The following DOCK1 variants were observed in gnomAD, a reference collection of about 807,000 sequenced individuals.
DOCK1 encodes dedicator of cytokinesis 1, also known as dedicator of cytokinesis protein 1.
A neutral mutation model predicts 262.7 loss-of-function variants in DOCK1; 138 were observed. The ratio of observed to expected loss-of-function variants is 0.53; its 90% CI spans 0.46 to 0.61. DOCK1 has a LOEUF of 0.61. Among genes scored for constraint, DOCK1 ranks in the 20% least tolerant of loss-of-function variants. The pLI, the probability that DOCK1 is intolerant of heterozygous loss-of-function variation, is 0.00. For missense variants in DOCK1, 1,908 were observed against 2,370.7 expected, an observed-to-expected ratio of 0.80 and a Z score of 4.05; for synonymous variants, 866 against 867.4, an observed-to-expected ratio of 1.00 and a Z score of 0.03.
intron 29 of DOCK1, among the ~76,000 whole-genome samples, chr10:127,300,102 C>T (rs939529413): frequency 6.6e-6 from 1 of 152,112 alleles, no homozygotes; most frequent in African/African-American, 2.4e-5. Context: ...GTGGACTCCA[C>T]CTGCTCAGCA....
intron 27 of DOCK1, among the ~76,000 whole-genome samples, chr10:127,138,492 C>T (rs763263223): frequency 3.3e-5 from 5 of 152,078 alleles, no homozygotes; most frequent in Non-Finnish European, 5.9e-5. Flanking sequence ...CCACCTAAAA[C>T]AATTCTGGAA....
chr10:127,052,111 T>G (rs1398958327), intron 21 of DOCK1, among the ~76,000 whole-genome samples: 1 of 152,254 alleles, frequency 6.6e-6, no homozygotes, highest in Non-Finnish European at 1.5e-5. Context: ...AGTGTTGCTG[T>G]GAAGGCTAAG....
rs2070590257 is a variant in DOCK1 at position 127,446,797 on chromosome 10, G to C, written c.5414-597G>C. 6.6e-6 allele frequency among the ~76,000 whole-genome samples: 1 copy of C among 152,080 alleles called. No homozygotes were observed. Among genetic ancestry groups the C allele is most frequent in the Admixed American group, 6.5e-5 (1 of 15,278 alleles). ...CGTTTGAAAACGGCTATTTTTTCCA[G>C]TTTACTTTAAAAATCAATTGTACTT... is the stretch of plus-strand genomic sequence containing the variant. On this transcript the variant is annotated intron_variant, in intron 50 of 51. Coordinates refer to ENST00000623213, the MANE Select transcript of DOCK1 (RefSeq NM_001290223.2). This position sits in a 1 kb window ranked among gnomAD's most constrained non-coding sequence, Gnocchi z 4.4.
intron 27 of DOCK1, among the ~76,000 whole-genome samples, chr10:127,149,720 G>T (rs1289412058): frequency 6.6e-6 from 1 of 152,202 alleles, no homozygotes; most frequent in African/African-American, 2.4e-5. Context: ...ATTACAATGT[G>T]TGAACACTGG....
At chr10:127,075,462 T>C (rs939171152) in intron 23 of DOCK1, among the ~76,000 whole-genome samples, 2 of 152,032 alleles carry the variant, frequency 1.3e-5, no homozygotes, top group Non-Finnish European at 2.9e-5. Context: ...TGTAGAGATA[T>C]GGTTTCGTCA....
At chr10:127,438,728 C>G (rs1340483174) in intron 48 of DOCK1, among the ~76,000 whole-genome samples, 3 of 152,308 alleles carry the variant, frequency 2.0e-5, no homozygotes, top group South Asian at 2.1e-4. Context: ...GAAATATGCC[C>G]TAAATACCAT....
At chr10:126,910,283 C>G (rs926327033) in intron 1 of DOCK1, among the ~76,000 whole-genome samples, 1 of 152,192 alleles carries the variant, frequency 6.6e-6, no homozygotes, top group Non-Finnish European at 1.5e-5. Context: ...CCTAGGATAC[C>G]AGACATCTGA....
intron 44 of DOCK1, among the ~76,000 whole-genome samples, chr10:127,417,520 G>A (rs1453535711): frequency 6.6e-6 from 1 of 152,176 alleles, no homozygotes; most frequent in Non-Finnish European, 1.5e-5. Flanking sequence ...CTGTGAGGGT[G>A]GCCTGGAGTG....
chr10:127,124,236 C>T (rs1029820332), intron 25 of DOCK1, among the ~76,000 whole-genome samples: 1 of 152,166 alleles, frequency 6.6e-6, no homozygotes, highest in African/African-American at 2.4e-5. Context: ...ATAAAAGAAA[C>T]ATTAATGCAA....
At chr10:127,027,841 C>T (rs979119488) in intron 16 of DOCK1, among the ~76,000 whole-genome samples, 1 of 152,006 alleles carries the variant, frequency 6.6e-6, no homozygotes, top group African/African-American at 2.4e-5. Flanking sequence ...AGCAAATGCA[C>T]GAGCACGGTC....
At chr10:127,412,807 A>C (rs1166328522) in intron 43 of DOCK1, among the ~76,000 whole-genome samples, 1 of 152,196 alleles carries the variant, frequency 6.6e-6, no homozygotes, top group Admixed American at 6.5e-5. Context: ...CCGAGGCCAG[A>C]TTCCTTGTGT....
At chr10:127,382,982 T>C (rs1374549331) in intron 37 of DOCK1, among the ~76,000 whole-genome samples, 1 of 152,162 alleles carries the variant, frequency 6.6e-6, no homozygotes, top group Non-Finnish European at 1.5e-5. Flanking sequence ...ATAATCTCTC[T>C]CCATATCTTT....
chr10:127,423,556 A>G (rs2068636263), intron 46 of DOCK1, among the ~76,000 whole-genome samples: 1 of 152,218 alleles, frequency 6.6e-6, no homozygotes, highest in Non-Finnish European at 1.5e-5. Flanking sequence ...CTCCATACAC[A>G]GCTGTCATTG....
chr10:127,318,097 T>C (rs1326086676), intron 29 of DOCK1, among the ~76,000 whole-genome samples: 1 of 152,196 alleles, frequency 6.6e-6, no homozygotes, highest in Admixed American at 6.5e-5. Context: ...CACAACTAGA[T>C]ATTGATTTGC....
chr10:126,929,602 A>G (rs2034031374), intron 1 of DOCK1, among the ~76,000 whole-genome samples: 1 of 151,966 alleles, frequency 6.6e-6, no homozygotes, highest in South Asian at 2.1e-4. Flanking sequence ...GGGAGGCGCT[A>G]CCTGGGCTCC....
chr10:127,419,628 G>A (rs759711848), intron 45 of DOCK1, 38 bp from the exon 46 acceptor site: 6 of 1,561,816 alleles, frequency 3.8e-6, no homozygotes, highest in Non-Finnish European at 5.2e-6. Context: ...TGTGTTTGCT[G>A]AGCAGGTGCA....
At chr10:127,144,291 A>G (rs2051573257) in intron 27 of DOCK1, among the ~76,000 whole-genome samples, 1 of 152,060 alleles carries the variant, frequency 6.6e-6, no homozygotes, top group African/African-American at 2.4e-5. Flanking sequence ...TAGAATAACA[A>G]AGTCCACCCT....
intron 29 of DOCK1, among the ~76,000 whole-genome samples, chr10:127,261,405 G>T (rs933702208): frequency 2.0e-4 from 28 of 143,314 alleles, no homozygotes; most frequent in Non-Finnish European, 3.6e-4. Flanking sequence ...GTGTGTGCAT[G>T]TGGGTGTGTG....
chr10:126,915,654 T>C (rs2032393107), intron 1 of DOCK1, among the ~76,000 whole-genome samples: 1 of 152,190 alleles, frequency 6.6e-6, no homozygotes, highest in South Asian at 2.1e-4. Context: ...GGTTTCACTG[T>C]GTTAGCCAGG....
Sources: allele counts gnomAD v4.1 joint callset (sites outside exome capture counted in the v4.1 genomes callset), GRCh38; gene constraint gnomAD v4.1.1; non-coding constraint Gnocchi (gnomAD v3.1); transcripts MANE v1.5; gene names NCBI Gene and HGNC (gene_info 2026-07-23, HGNC 2026-07-21).